Variants in CFAP99 observed in about 807,000 individuals in gnomAD.
The protein encoded by CFAP99 is cilia- and flagella-associated protein 99.
CFAP99 carries 84 observed loss-of-function variants against 82.7 expected under a neutral mutation model. That is an observed-to-expected ratio of 1.02 (90% CI 0.85 to 1.22). The LOEUF (loss-of-function observed/expected upper bound fraction) is 1.22. Among genes scored for constraint, CFAP99 ranks in the 50% most tolerant of loss-of-function variants. The pLI is 0.00. For synonymous variants in CFAP99, 456 were observed against 429.5 expected (o/e 1.06, Z -0.76); for missense variants, 1,059 against 983.5 (o/e 1.08, Z -1.03).
At chr4:2,459,625 G>A (rs1190478547) in intron 13 of CFAP99, among the ~76,000 whole-genome samples, 2 of 152,208 alleles carry the variant, frequency 1.3e-5, no homozygotes, top group Non-Finnish European at 2.9e-5. Context: ...TGGAGCAGGA[G>A]GTTGAGGAGG....
At chr4:2,452,441 G>A (rs1734327826) in intron 11 of CFAP99, 95 bp downstream of exon 11, 17 of 1,286,796 alleles carry the variant, frequency 1.3e-5, no homozygotes, top group Non-Finnish European at 1.8e-5. Flanking sequence ...GGAGCTGAGT[G>A]TCCACAGCGC....
chr4:2,448,029 A>C lies in CFAP99; in HGVS notation c.643-1641A>C, dbSNP rs1384534591. On this transcript the variant is annotated intron_variant, in intron 6 of 14. Coordinates refer to ENST00000635017, the Ensembl canonical transcript of CFAP99. The surrounding 1 kb of genome is among the most constrained non-coding windows in gnomAD (Gnocchi z 5.2). ...GATGGATAAGTGGATGAATGGATGG[A>C]TGGATGGATGGATGATCAGAGGGAT... Among the ~76,000 whole-genome samples the C allele has an allele frequency of 6.6e-6, 1 of 150,926 alleles. No homozygotes were observed. Among genetic ancestry groups the C allele is most frequent in the Non-Finnish European group, 1.5e-5 (1 of 67,740 alleles).
rs747404307 is a variant in CFAP99 at position 2,443,282 on chromosome 4, C to G, written c.464+40C>G. On this transcript the variant is annotated intron_variant, in intron 5 of 14. Transcript: ENST00000635017. ...GGGCTCTGGGGGCCCTGAATGGCAT[C>G]TGCACCCCATTCCAGGTGCCTCCAC... 22 of 1,331,356 alleles carry G rather than the reference C, an allele frequency of 1.7e-5. No homozygotes were observed. The South Asian group carries it at 2.3e-4, about 14-fold the overall frequency. 82.5% of individuals were successfully genotyped at this position (1,331,356 alleles called of 1,614,324 possible). A position where few individuals can be genotyped will look rare whatever the true frequency, so the allele number is the denominator to read the frequency against.
At chr4:2,442,981 G>A in intron 4 of CFAP99, 149 bp from the exon 5 acceptor site, 1 of 405,444 alleles carries the variant, frequency 2.5e-6, no homozygotes, top group Non-Finnish European at 4.3e-6. Flanking sequence ...GGGGCAGGGA[G>A]CTCACTGGGG....
chr4:2,460,015 G>A (rs1207164321), intron 13 of CFAP99, 22 bp from the exon 14 acceptor site: 14 of 1,534,528 alleles, frequency 9.1e-6, no homozygotes, highest in Non-Finnish European at 9.6e-6. Flanking sequence ...CCCAGCTTGG[G>A]GCCTCCCCTA....
chr4:2,437,592 C>T (rs561032331), intron 3 of CFAP99, among the ~76,000 whole-genome samples: 1 of 152,282 alleles, frequency 6.6e-6, no homozygotes, highest in South Asian at 2.1e-4. Flanking sequence ...GGAGACTGAG[C>T]TGAGCAGCTG....
chr4:2,453,382 C>A (rs987685551), intron 11 of CFAP99, among the ~76,000 whole-genome samples: 2 of 152,170 alleles, frequency 1.3e-5, no homozygotes, highest in African/African-American at 4.8e-5. Context: ...TTCCAGATGT[C>A]ACACCAAAGA....
intron 7 of CFAP99, 29 bp downstream of exon 7, chr4:2,449,779 A>C: frequency 5.2e-6 from 8 of 1,535,280 alleles, no homozygotes; most frequent in Non-Finnish European, 7.0e-6. Context: ...CTGCCTTCCT[A>C]GAGACCCCAT....
At chr4:2,442,926 T>C (rs1260908243) in intron 4 of CFAP99, among the ~76,000 whole-genome samples, 1 of 60,530 alleles carries the variant, frequency 1.7e-5, no homozygotes, top group African/African-American at 6.9e-5. Flanking sequence ...CTCACTGGGG[T>C]GCTGGGGGCC....
chr4:2,438,806 C>T (rs112580291), intron 4 of CFAP99, among the ~76,000 whole-genome samples: 5,925 of 152,186 alleles, frequency 0.039, 412 homozygotes, highest in African/African-American at 0.13. Flanking sequence ...ACAAAAAACC[C>T]AATGCACACC....
intron 1 of CFAP99, among the ~76,000 whole-genome samples, chr4:2,421,417 C>T (rs187412342): frequency 0.012 from 1,589 of 135,430 alleles, 11 homozygotes; most frequent in Admixed American, 0.018. Context: ...TGCAGAGGCA[C>T]GATCTCAGCT....
chr4:2,459,472 C>T (rs982378267), intron 13 of CFAP99, among the ~76,000 whole-genome samples: 1 of 152,236 alleles, frequency 6.6e-6, no homozygotes, highest in Non-Finnish European at 1.5e-5. Flanking sequence ...ACACACTTAG[C>T]CAGTCCTCTA....
At chr4:2,419,543 C>T (rs1402300130) in intron 1 of CFAP99, among the ~76,000 whole-genome samples, 2 of 152,212 alleles carry the variant, frequency 1.3e-5, no homozygotes, top group African/African-American at 4.8e-5. Flanking sequence ...TGCCGCACCA[C>T]CACCACGTCT....
chr4:2,445,116 A>G lies in CFAP99; in HGVS notation c.465-15A>G, dbSNP rs1430564297. 1 of 1,342,424 alleles carries G rather than the reference A, an allele frequency of 7.4e-7. No individual in the cohort carries two copies. The highest frequency in any genetic ancestry group is 9.5e-7 in the Non-Finnish European group (1 of 1,049,560). The allele number at this position is 1,342,424 out of a possible 1,614,324, so 83.2% of individuals were successfully genotyped here. ...GGGAGTGACCATAAGAGGTGTTTCC[A>G]CTTTTGCCTTCAAGATGGCAGCCAG... is the stretch of plus-strand genomic sequence containing the variant. On this transcript the variant is annotated splice_polypyrimidine_tract_variant and intron_variant, in intron 5 of 14. Transcript: ENST00000635017.
chr4:2,420,521 C>G (rs1733558095), intron 1 of CFAP99, among the ~76,000 whole-genome samples: 1 of 152,124 alleles, frequency 6.6e-6, no homozygotes, highest in Non-Finnish European at 1.5e-5. Context: ...GTGGGTCTAT[C>G]CTTGGCCAAC....
At chr4:2,455,017 T>G (rs928542711) in intron 11 of CFAP99, among the ~76,000 whole-genome samples, 3 of 152,162 alleles carry the variant, frequency 2.0e-5, no homozygotes, top group African/African-American at 7.2e-5. Context: ...CCTCTCAGGC[T>G]CAAACCATCC....
rs575397949 is a variant in CFAP99, at chr4:2,455,456, T to A, written c.1161+3110T>A. 3.9e-5 allele frequency among the ~76,000 whole-genome samples: 6 copies of A among 152,332 alleles called. No homozygotes were observed. The South Asian group carries it at 1.2e-3, about 32-fold the overall frequency. On this transcript the variant is annotated intron_variant, in intron 11 of 14. Transcript: ENST00000635017. ...GGGAGGCCAAAGCAGGGCGATCACC[T>A]GAGGTCAGGCATTCAAGACCAGCCT... is the stretch of plus-strand genomic sequence containing the variant.
intron 4 of CFAP99, among the ~76,000 whole-genome samples, chr4:2,441,842 C>T (rs954584828): frequency 6.6e-6 from 1 of 152,212 alleles, no homozygotes; most frequent in Non-Finnish European, 1.5e-5. Context: ...AGCCCCTGGG[C>T]CACACCTTGG....
At position 2,438,069 on chromosome 4, in the gene CFAP99, G is replaced by C; in HGVS notation, c.257-1G>C. 6.5e-7 allele frequency: 1 copy of C among 1,529,462 alleles called. No individual in the cohort carries two copies. Among genetic ancestry groups the C allele is most frequent in the South Asian group, 1.2e-5 (1 of 83,928 alleles). 94.7% of individuals were successfully genotyped at this position (1,529,462 alleles called of 1,614,324 possible). ...CCTCTGACAGACCCCCTGTTTTCTA[G>C]TGATCTGCTACCTAGCCACATTCCT... is the stretch of plus-strand genomic sequence containing the variant. On this transcript the variant is annotated splice_acceptor_variant, in intron 3 of 14. Coordinates refer to ENST00000635017, the Ensembl canonical transcript of CFAP99. LOFTEE classifies it high-confidence loss of function.
Sources: allele counts gnomAD v4.1 joint callset (sites outside exome capture counted in the v4.1 genomes callset), GRCh38; gene constraint gnomAD v4.1.1; non-coding constraint Gnocchi (gnomAD v3.1); transcripts MANE v1.5; gene names NCBI Gene and HGNC (gene_info 2026-07-23, HGNC 2026-07-21).